The following SMAGP variants were observed in gnomAD, a reference collection of about 807,000 sequenced individuals.
SMAGP encodes small cell adhesion glycoprotein.
In SMAGP, 7 loss-of-function variants were observed where a neutral mutation model predicts 10.1. The ratio of observed to expected loss-of-function variants is 0.70; its 90% CI spans 0.40 to 1.31. SMAGP has a LOEUF of 1.31. Ranked by LOEUF, SMAGP falls within the 50% of genes most tolerant of loss-of-function variation. The pLI, the probability that SMAGP is intolerant of heterozygous loss-of-function variation, is 0.01. For synonymous variants in SMAGP, 49 were observed against 47.2 expected (o/e 1.04, Z -0.16); for missense variants, 113 against 116.5 (o/e 0.97, Z 0.14).
At chr12:51,258,241 G>C (rs1477561290) in intron 2 of SMAGP, among the ~76,000 whole-genome samples, 1 of 152,176 alleles carries the variant, frequency 6.6e-6, no homozygotes, top group Non-Finnish European at 1.5e-5. Context: ...GGCTTAAGGA[G>C]AACTGAAGGT....
chr12:51,264,573 C>A (rs1047719558), intron 2 of SMAGP, among the ~76,000 whole-genome samples: 9 of 150,716 alleles, frequency 6.0e-5, no homozygotes, highest in Non-Finnish European at 1.3e-4. Flanking sequence ...CTGTAGTGAG[C>A]CAGGATTGTG....
At chr12:51,256,404 A>G (rs1211987421) in intron 2 of SMAGP, among the ~76,000 whole-genome samples, 3 of 151,510 alleles carry the variant, frequency 2.0e-5, no homozygotes, top group Non-Finnish European at 4.4e-5. Flanking sequence ...TGGGCAACAT[A>G]GTGGGACCTC....
intron 2 of SMAGP, among the ~76,000 whole-genome samples, chr12:51,256,309 G>A (rs1944883760): frequency 6.6e-6 from 1 of 152,138 alleles, no homozygotes; most frequent in African/African-American, 2.4e-5. Context: ...TTGGAGGCCA[G>A]GTGCGGTGGC....
chr12:51,247,479 C>G (rs555589163), intron 2 of SMAGP, among the ~76,000 whole-genome samples: 2 of 152,270 alleles, frequency 1.3e-5, no homozygotes. Flanking sequence ...TCCTGCACCC[C>G]CTCCTGCTAC....
intron 3 of SMAGP, 98 bp downstream of exon 3, chr12:51,246,653 A>G (rs1944776621): frequency 1.3e-6 from 1 of 764,936 alleles, no homozygotes; most frequent in Non-Finnish European, 2.0e-6. Flanking sequence ...ATAACTTACA[A>G]GCCAGAGTGA....
intron 2 of SMAGP, among the ~76,000 whole-genome samples, chr12:51,251,197 G>GC (rs1203899701): frequency 6.6e-6 from 1 of 152,142 alleles, no homozygotes; most frequent in East Asian, 1.9e-4. Flanking sequence ...ACTTTGGGAG[G>GC]CGGAGGCAGG....
intron 2 of SMAGP, among the ~76,000 whole-genome samples, chr12:51,252,418 G>A (rs1944847168): frequency 6.7e-6 from 1 of 149,942 alleles, no homozygotes; most frequent in African/African-American, 2.5e-5. Flanking sequence ...TTGAGGCCAA[G>A]TCTCACTGTG....
At chr12:51,257,861 A>T (rs1385987267) in intron 2 of SMAGP, among the ~76,000 whole-genome samples, 1 of 149,012 alleles carries the variant, frequency 6.7e-6, no homozygotes, top group Admixed American at 6.7e-5. Flanking sequence ...TTCTAAAGTA[A>T]GATCTTAACT....
In SMAGP at chr12:51,246,353, C is replaced by T; in HGVS notation, c.116-234G>A. 5.5e-6 allele frequency: 3 copies of T among 547,812 alleles called. No homozygotes were observed. The South Asian group carries it at 9.8e-5, about 18-fold the overall frequency. 33.9% of individuals were successfully genotyped at this position (547,812 alleles called of 1,614,324 possible). A position where few individuals can be genotyped will look rare whatever the true frequency, so the allele number is the denominator to read the frequency against. ...CACATGCTTTTGATTTCTGACAAAA[C>T]TGAACTGCCTCCCAAACCAGTTCCT... On this transcript the variant is annotated intron_variant, in intron 3 of 3. Coordinates refer to ENST00000603798, the MANE Select transcript of SMAGP (RefSeq NM_001031628.2).
intron 2 of SMAGP, among the ~76,000 whole-genome samples, chr12:51,250,351 T>C (rs1323168407): frequency 6.6e-6 from 1 of 152,110 alleles, no homozygotes; most frequent in Non-Finnish European, 1.5e-5. Flanking sequence ...TACTGAATTG[T>C]TGGGCAACAG....
At chr12:51,255,531 A>G (rs944164795) in intron 2 of SMAGP, among the ~76,000 whole-genome samples, 2 of 152,154 alleles carry the variant, frequency 1.3e-5, no homozygotes, top group African/African-American at 4.8e-5. Context: ...GAGAGGCCAT[A>G]TGGAGGAAAA....
intron 1 of SMAGP, 116 bp from the exon 2 acceptor site, chr12:51,269,432 C>T: frequency 4.3e-6 from 3 of 699,044 alleles, no homozygotes; most frequent in Admixed American, 2.4e-5. Context: ...TCCCCTTTTT[C>T]TCTTGTCCTC....
chr12:51,253,604 A>C (rs553993288), intron 2 of SMAGP: 3 of 152,346 alleles, frequency 2.0e-5, no homozygotes, highest in Admixed American at 1.3e-4. Context: ...CTAAAAAAAA[A>C]CAAAAAACAA....
At chr12:51,246,643 A>AT in intron 3 of SMAGP, 108 bp downstream of exon 3, 1 of 483,492 alleles carries the variant, frequency 2.1e-6, no homozygotes, top group Non-Finnish European at 3.3e-6. Flanking sequence ...TGTGTGTAAT[A>AT]TAACTTACAA....
chr12:51,252,571 T>C (rs1944848592), intron 2 of SMAGP, among the ~76,000 whole-genome samples: 1 of 152,038 alleles, frequency 6.6e-6, no homozygotes, highest in East Asian at 1.9e-4. Flanking sequence ...TTTGTATTTT[T>C]TAGTAGAGAC....
At chr12:51,267,714 C>G (rs202055060) in intron 2 of SMAGP, among the ~76,000 whole-genome samples, 3 of 152,020 alleles carry the variant, frequency 2.0e-5, no homozygotes, top group Non-Finnish European at 2.9e-5. Context: ...AGGCTGATCT[C>G]GAACTCCTGA....
intron 2 of SMAGP, among the ~76,000 whole-genome samples, chr12:51,264,443 T>A (rs923042005): frequency 4.6e-5 from 7 of 152,008 alleles, no homozygotes; most frequent in African/African-American, 1.7e-4. Context: ...CTGAGCAACA[T>A]AGCAAAACCC....
intron 2 of SMAGP, among the ~76,000 whole-genome samples, chr12:51,261,466 G>T (rs1565660033): frequency 6.6e-6 from 1 of 151,440 alleles, no homozygotes; most frequent in Non-Finnish European, 1.5e-5. Flanking sequence ...AAAGCCCAGA[G>T]AAAAAAAAGG....
At chr12:51,259,254 C>A (rs1944912389) in intron 2 of SMAGP, among the ~76,000 whole-genome samples, 1 of 152,124 alleles carries the variant, frequency 6.6e-6, no homozygotes, top group Non-Finnish European at 1.5e-5. Flanking sequence ...AAATGCAGAT[C>A]CTGCAGACCC....
Sources: allele counts gnomAD v4.1 joint callset (sites outside exome capture counted in the v4.1 genomes callset), GRCh38; gene constraint gnomAD v4.1.1; transcripts MANE v1.5; gene names NCBI Gene and HGNC (gene_info 2026-07-23, HGNC 2026-07-21).